The following GRID1 variants were observed in gnomAD, a reference collection of about 807,000 sequenced individuals.
GRID1 encodes glutamate receptor ionotropic, delta-1.
In GRID1, 28 loss-of-function variants were observed where a neutral mutation model predicts 98.0. The observed-to-expected ratio is 0.29, with a 90% CI of 0.21 to 0.39. The LOEUF is 0.39. GRID1 is among the 10% of genes least tolerant of loss of function. The pLI is 1.00. For synonymous variants in GRID1, 553 were observed against 538.5 expected (o/e 1.03, Z -0.37); for missense variants, 1,111 against 1,340.5 (o/e 0.83, Z 2.67).
intron 4 of GRID1, among the ~76,000 whole-genome samples, chr10:86,056,735 C>T (rs978886983): frequency 1.3e-5 from 2 of 152,260 alleles, no homozygotes; most frequent in African/African-American, 4.8e-5. Flanking sequence ...CTCTGCAAAG[C>T]CACGTGGTGG....
At chr10:85,945,859 C>T (rs892051871) in intron 4 of GRID1, among the ~76,000 whole-genome samples, 2 of 152,146 alleles carry the variant, frequency 1.3e-5, no homozygotes, top group African/African-American at 4.8e-5. Flanking sequence ...ATGAGTGACA[C>T]ATATGGTTTT....
chr10:86,293,667 C>T (rs1847547860), intron 2 of GRID1, among the ~76,000 whole-genome samples: 1 of 152,196 alleles, frequency 6.6e-6, no homozygotes, highest in African/African-American at 2.4e-5. Context: ...ATCAGGGAAC[C>T]TGCATCCACA....
chr10:86,333,656 AAACAGTCTATT>A (rs1380874011), intron 2 of GRID1, among the ~76,000 whole-genome samples: 4 of 152,266 alleles, frequency 2.6e-5, no homozygotes, highest in Non-Finnish European at 5.9e-5. Flanking sequence ...CTGATACCAT[AAACAGTCTATT>A]AACACATATT....
At chr10:85,886,893 T>C (rs1841125575) in intron 5 of GRID1, among the ~76,000 whole-genome samples, 1 of 152,230 alleles carries the variant, frequency 6.6e-6, no homozygotes, top group African/African-American at 2.4e-5. Context: ...TCTAAACTTA[T>C]ACAGGGCTAT....
chr10:86,145,950 G>A (rs1352611903), intron 3 of GRID1, among the ~76,000 whole-genome samples: 1 of 152,088 alleles, frequency 6.6e-6, no homozygotes, highest in Non-Finnish European at 1.5e-5. Context: ...AACTGAAGTT[G>A]GGGAAATAAT....
At chr10:86,208,394 G>T (rs1220815021) in intron 2 of GRID1, among the ~76,000 whole-genome samples, 2 of 151,886 alleles carry the variant, frequency 1.3e-5, no homozygotes, top group Non-Finnish European at 2.9e-5. Flanking sequence ...GAAATCCATT[G>T]CGTGCCCTGC....
chr10:85,805,072 A>T (rs1842611540), intron 8 of GRID1, among the ~76,000 whole-genome samples: 1 of 151,518 alleles, frequency 6.6e-6, no homozygotes, highest in Non-Finnish European at 1.5e-5. Flanking sequence ...CAAAGAAGAT[A>T]AGAAAAATAT....
In GRID1 at chr10:86,053,404, C is replaced by T. The variant is rs1472971912; in HGVS notation, c.726+85415G>A. 2.6e-5 allele frequency among the ~76,000 whole-genome samples: 4 copies of T among 151,300 alleles called. No individual in the cohort carries two copies. The East Asian group carries it at 7.8e-4, about 30-fold the overall frequency. ...ATGGAGTCTCCCTCTGTCACCCAGA[C>T]TAGAGTGCAGTGGCGCAATCTTGGC... On this transcript the variant is annotated intron_variant, in intron 4 of 15. Transcript: ENST00000327946.
chr10:86,009,467 G>T (rs1173002354), intron 4 of GRID1, among the ~76,000 whole-genome samples: 1 of 152,178 alleles, frequency 6.6e-6, no homozygotes, highest in African/African-American at 2.4e-5. Context: ...CAGAATTTGG[G>T]AAGGAAATGG....
rs371234562 is a variant in GRID1, at chr10:86,130,692, C to T, written c.726+8127G>A. Among the ~76,000 whole-genome samples the T allele has an allele frequency of 8.5e-4, 129 of 152,304 alleles. 1 individual carries two copies. Among genetic ancestry groups the T allele is most frequent in the African/African-American group, 2.9e-3 (120 of 41,572 alleles). On this transcript the variant is annotated intron_variant, in intron 4 of 15. Coordinates refer to ENST00000327946, the MANE Select transcript of GRID1 (RefSeq NM_017551.3). ...CCACTTCCATCTGGCAATAAAATCC[C>T]CTGCATTTACCATCCTTTAACTTGT...
chr10:86,163,888 C>T (rs562945578), intron 3 of GRID1, among the ~76,000 whole-genome samples: 19 of 152,254 alleles, frequency 1.2e-4, no homozygotes, highest in African/African-American at 4.6e-4. Flanking sequence ...GCCCAGCACC[C>T]CCCGCTGGTA....
chr10:85,728,140 T>C (rs1841783224), intron 9 of GRID1, 88 bp from the exon 10 acceptor site: 1 of 1,005,820 alleles, frequency 9.9e-7, no homozygotes, highest in Non-Finnish European at 1.6e-6. Flanking sequence ...AAAGATCTGA[T>C]TAGAACATTT....
In GRID1 at chr10:85,932,247, C is replaced by G. The variant is rs575533894; in HGVS notation, c.727-16008G>C. 6.6e-5 allele frequency among the ~76,000 whole-genome samples: 10 copies of G among 152,312 alleles called. 1 individual carries two copies. The South Asian group carries it at 2.1e-3, about 32-fold the overall frequency. ...TTAAAAATTGAGACAGGGTCTCCCTCTATCACCCAGGCTGAGTGCAGTGGC... is the reference window on the plus strand; with the variant it reads ...TTAAAAATTGAGACAGGGTCTCCCTGTATCACCCAGGCTGAGTGCAGTGGC... On this transcript the variant is annotated intron_variant, in intron 4 of 15. Transcript: ENST00000327946.
At chr10:85,868,574 C>G (rs1273326099) in intron 6 of GRID1, among the ~76,000 whole-genome samples, 1 of 152,172 alleles carries the variant, frequency 6.6e-6, no homozygotes, top group Admixed American at 6.5e-5. Flanking sequence ...AGCCTCAGCA[C>G]TCAGCCAATG....
At chr10:86,210,247 G>A (rs1031083411) in intron 2 of GRID1, among the ~76,000 whole-genome samples, 1 of 152,136 alleles carries the variant, frequency 6.6e-6, no homozygotes, top group Non-Finnish European at 1.5e-5. Flanking sequence ...CATATAGCCG[G>A]GCTGAACCCT....
At chr10:85,756,305 C>T (rs1564580750) in intron 8 of GRID1, among the ~76,000 whole-genome samples, 1 of 152,188 alleles carries the variant, frequency 6.6e-6, no homozygotes, top group African/African-American at 2.4e-5. Flanking sequence ...TAGATCTTAG[C>T]AACCTCAGCA....
At chr10:85,921,665 G>A (rs1194492713) in intron 4 of GRID1, among the ~76,000 whole-genome samples, 1 of 152,176 alleles carries the variant, frequency 6.6e-6, no homozygotes, top group Admixed American at 6.5e-5. Flanking sequence ...GACTGGTGCT[G>A]GGGAGAGCTG....
At chr10:86,118,906 C>T (rs552251592) in intron 4 of GRID1, among the ~76,000 whole-genome samples, 1 of 152,122 alleles carries the variant, frequency 6.6e-6, no homozygotes, top group Non-Finnish European at 1.5e-5. Context: ...ACATCAAGGT[C>T]ATCAAAAGCC....
intron 3 of GRID1, among the ~76,000 whole-genome samples, chr10:86,148,347 C>T (rs1261218684): frequency 6.6e-6 from 1 of 152,170 alleles, no homozygotes; most frequent in Non-Finnish European, 1.5e-5. Flanking sequence ...GCAGATTATG[C>T]TAAGTGAAAC....
Sources: allele counts gnomAD v4.1 joint callset (sites outside exome capture counted in the v4.1 genomes callset), GRCh38; gene constraint gnomAD v4.1.1; transcripts MANE v1.5; gene names NCBI Gene and HGNC (gene_info 2026-07-23, HGNC 2026-07-21).